BCL2: variants seen among roughly 807,000 people sequenced by gnomAD.
BCL2 encodes apoptosis regulator Bcl-2.
BCL2 carries 1 observed loss-of-function variant against 14.2 expected under a neutral mutation model. That is an observed-to-expected ratio of 0.07 (90% CI 0.02 to 0.33). The LOEUF (loss-of-function observed/expected upper bound fraction) is 0.33, where lower values mean the gene tolerates loss of function less well. Among genes scored for constraint, BCL2 ranks in the 10% least tolerant of loss-of-function variants. BCL2 has a pLI of 0.99. For missense variants in BCL2, 247 were observed against 305.9 expected (o/e 0.81, Z 1.44); for synonymous variants, 151 against 137.2 (o/e 1.10, Z -0.70).
At chr18:63,144,440 C>T (rs187347127) in intron 2 of BCL2, among the ~76,000 whole-genome samples, 2 of 152,154 alleles carry the variant, frequency 1.3e-5, no homozygotes, top group African/African-American at 2.4e-5. Flanking sequence ...AGCCGGGGTT[C>T]GAATCCAGGA....
At chr18:63,312,893 T>C (rs1007421230) in intron 2 of BCL2, among the ~76,000 whole-genome samples, 4 of 152,234 alleles carry the variant, frequency 2.6e-5, no homozygotes, top group Non-Finnish European at 2.9e-5. Flanking sequence ...TATGCATAAA[T>C]AGTGCTTAGT....
chr18:63,295,257 T>C (rs985882163), intron 2 of BCL2, among the ~76,000 whole-genome samples: 4 of 151,956 alleles, frequency 2.6e-5, no homozygotes, highest in African/African-American at 4.8e-5. Flanking sequence ...GAAAGACAAG[T>C]AGGTATAAAT....
At chr18:63,228,152 G>C (rs778203138) in intron 2 of BCL2, among the ~76,000 whole-genome samples, 9 of 152,198 alleles carry the variant, frequency 5.9e-5, no homozygotes, top group Non-Finnish European at 8.8e-5. Context: ...GGGCCCTGCT[G>C]TTCTGACCTA....
At chr18:63,231,080 T>G (rs1910675835) in intron 2 of BCL2, among the ~76,000 whole-genome samples, 1 of 151,922 alleles carries the variant, frequency 6.6e-6, no homozygotes, top group East Asian at 1.9e-4. Context: ...CAAGTAAGAG[T>G]CAACATTAGA....
intron 2 of BCL2, among the ~76,000 whole-genome samples, chr18:63,199,152 C>T (rs1909603935): frequency 6.6e-6 from 1 of 150,456 alleles, no homozygotes; most frequent in South Asian, 2.1e-4. Flanking sequence ...GAGACGCAGA[C>T]ACACACACCA....
rs1414477843 is a variant in BCL2, at chr18:63,247,199, GA to G, written c.585+70882del. 2.8e-5 allele frequency among the ~76,000 whole-genome samples: 4 copies of G among 143,746 alleles called. No individual in the cohort carries two copies. The East Asian group carries it at 8.4e-4, about 30-fold the overall frequency. 94.3% of individuals were successfully genotyped at this position (143,746 alleles called of 152,430 possible). The stretch of plus-strand genomic sequence containing the variant: ...TTTCTCATCTTTGAAGATGCAACAG[GA>G]TTTTTTTTTTTTTTTTGAGACGAAG... On this transcript the variant is annotated intron_variant, in intron 2 of 2. Coordinates refer to ENST00000333681, the MANE Select transcript of BCL2 (RefSeq NM_000633.3).
chr18:63,211,650 A>G (rs9955190), intron 2 of BCL2, among the ~76,000 whole-genome samples: 39,675 of 152,138 alleles, frequency 0.26, 5,330 homozygotes, highest in South Asian at 0.3. Flanking sequence ...TCAGACACAT[A>G]CAGTGAAATA....
intron 2 of BCL2, among the ~76,000 whole-genome samples, chr18:63,172,679 G>C (rs1915252997): frequency 1.3e-5 from 2 of 152,194 alleles, no homozygotes; most frequent in Admixed American, 6.5e-5. Context: ...TACTCGGGAG[G>C]CTGAGGCAGG....
chr18:63,309,517 C>T (rs550065688), intron 2 of BCL2, among the ~76,000 whole-genome samples: 3 of 152,332 alleles, frequency 2.0e-5, no homozygotes, highest in East Asian at 1.9e-4. Context: ...TCCTCACATT[C>T]GACCTGCTGT....
chr18:63,142,454 G>A (rs752443858), intron 2 of BCL2, among the ~76,000 whole-genome samples: 35 of 152,226 alleles, frequency 2.3e-4, no homozygotes, highest in Non-Finnish European at 3.1e-4. Context: ...GATGCACCCC[G>A]GATGGTGCTG....
At chr18:63,232,349 C>A (rs1387858860) in intron 2 of BCL2, among the ~76,000 whole-genome samples, 1 of 151,826 alleles carries the variant, frequency 6.6e-6, no homozygotes, top group Non-Finnish European at 1.5e-5. Context: ...TGCCAAAAAA[C>A]AATGTTTAAA....
intron 2 of BCL2, among the ~76,000 whole-genome samples, chr18:63,253,330 A>G (rs17685987): frequency 0.022 from 3,418 of 152,352 alleles, 117 homozygotes; most frequent in Admixed American, 0.091. Context: ...CTGATCGCCT[A>G]CGAAGTCTGC....
chr18:63,155,919 C>G (rs150176896), intron 2 of BCL2, among the ~76,000 whole-genome samples: 1 of 152,102 alleles, frequency 6.6e-6, no homozygotes, highest in African/African-American at 2.4e-5. Flanking sequence ...CAGGACCCTT[C>G]CCCGCCTCCC....
At chr18:63,271,401 G>C (rs1911998829) in intron 2 of BCL2, among the ~76,000 whole-genome samples, 1 of 152,226 alleles carries the variant, frequency 6.6e-6, no homozygotes, top group Admixed American at 6.5e-5. Flanking sequence ...GCAGTTTGCA[G>C]TGGAAATGAA....
chr18:63,315,952 C>T (rs1913485387), intron 2 of BCL2: 1 of 152,488 alleles, frequency 6.6e-6, no homozygotes, highest in African/African-American at 2.4e-5. Flanking sequence ...TTACCATCAA[C>T]CATCTGTGCT....
At chr18:63,169,427 CTT>C (rs1284453054) in intron 2 of BCL2, among the ~76,000 whole-genome samples, 4 of 131,080 alleles carry the variant, frequency 3.1e-5, no homozygotes, top group Admixed American at 1.6e-4. Context: ...CTCTCTCTCT[CTT>C]TCTTTTTCTT....
intron 2 of BCL2, among the ~76,000 whole-genome samples, chr18:63,262,981 A>G (rs990567130): frequency 6.6e-6 from 1 of 152,192 alleles, no homozygotes; most frequent in South Asian, 2.1e-4. Flanking sequence ...TTTCCAAAAC[A>G]CTAAGGAATA....
chr18:63,298,234 C>A (rs150407014), intron 2 of BCL2, among the ~76,000 whole-genome samples: 2 of 152,216 alleles, frequency 1.3e-5, no homozygotes, highest in Non-Finnish European at 2.9e-5. Flanking sequence ...TTATTTTACA[C>A]GACTCTGACC....
chr18:63,190,950 G>A (rs187863394), intron 2 of BCL2, among the ~76,000 whole-genome samples: 138 of 152,274 alleles, frequency 9.1e-4, no homozygotes, highest in African/African-American at 3.2e-3. Context: ...AGAACATGCA[G>A]TGTTTGGTTT....
Sources: gnomAD v4.1 joint callset for allele counts (sites outside exome capture counted in the v4.1 genomes callset) on GRCh38, gnomAD v4.1.1 for gene constraint, MANE v1.5 for transcripts, NCBI Gene and HGNC (gene_info 2026-07-23, HGNC 2026-07-21) for gene names.